The following RPS6KA3 variants were observed in gnomAD, a reference collection of about 807,000 sequenced individuals.
RPS6KA3 encodes ribosomal protein S6 kinase alpha-3.
RPS6KA3 carries 4 observed loss-of-function variants against 67.2 expected under a neutral mutation model. The observed-to-expected ratio is 0.06, with a 90% CI of 0.03 to 0.14. The LOEUF is 0.14. RPS6KA3 is among the 10% of genes least tolerant of loss of function. RPS6KA3 has a pLI of 1.00. For missense variants in RPS6KA3, 204 were observed against 559.0 expected (o/e 0.36, Z 6.40); for synonymous variants, 182 against 183.7 (o/e 0.99, Z 0.07).
intron 9 of RPS6KA3, among the ~76,000 whole-genome samples, 164 bp from the exon 10 acceptor site, chrX:20,186,530 T>C (rs957869821): frequency 2.7e-5 from 3 of 111,856 alleles, no homozygotes; most frequent in Non-Finnish European, 3.8e-5. Context: ...CTGAAGTTCT[T>C]GATAATTCCT....
intron 2 of RPS6KA3, among the ~76,000 whole-genome samples, chrX:20,229,828 A>C (rs1489230475): frequency 8.9e-6 from 1 of 111,987 alleles, no homozygotes; most frequent in Non-Finnish European, 1.9e-5. Context: ...CAACAGTCTC[A>C]TCCACATTGC....
intron 1 of RPS6KA3, among the ~76,000 whole-genome samples, chrX:20,259,393 T>G (rs1274647387): frequency 8.9e-6 from 1 of 111,867 alleles, no homozygotes; most frequent in Non-Finnish European, 1.9e-5. Context: ...TGACCATTAA[T>G]TTTCAGAACA....
Position 20,155,302 on chromosome X carries a change from G to A in RPS6KA3, c.*96C>T. The A allele has an allele frequency of 1.0e-6, 1 of 967,401 alleles. No individual in the cohort carries two copies. 79.7% of individuals were successfully genotyped at this position (967,401 alleles called of 1,213,427 possible). A position where few individuals can be genotyped will look rare whatever the true frequency, so the allele number is the denominator to read the frequency against. On this transcript the variant is annotated 3_prime_UTR_variant, in exon 22 of 22. Transcript: ENST00000379565. ...CATTATGGGTACCAGCTGGGACAGT[G>A]TGTGCTTGCAGGTGTCTCTCAGATA...
intron 1 of RPS6KA3, among the ~76,000 whole-genome samples, chrX:20,244,563 C>T (rs111994118): frequency 0.028 from 3,151 of 111,678 alleles, 106 homozygotes; most frequent in African/African-American, 0.092. Flanking sequence ...AGTTATTACG[C>T]AGAGAAGAAA....
At chrX:20,238,304 T>C (rs1165970109) in intron 1 of RPS6KA3, among the ~76,000 whole-genome samples, 4 of 111,724 alleles carry the variant, frequency 3.6e-5, no homozygotes, top group South Asian at 3.6e-4. Context: ...AGTTCACATA[T>C]GCATTATTTT....
At chrX:20,181,269 A>C (rs1218546073) in intron 10 of RPS6KA3, among the ~76,000 whole-genome samples, 1 of 112,044 alleles carries the variant, frequency 8.9e-6, no homozygotes, top group East Asian at 2.8e-4. Context: ...CATATTTGAA[A>C]ATTTTTATAA....
At chrX:20,179,925 AC>A (rs1185005929) in intron 10 of RPS6KA3, among the ~76,000 whole-genome samples, 1 of 109,586 alleles carries the variant, frequency 9.1e-6, no homozygotes, top group Non-Finnish European at 1.9e-5. Context: ...TACCATCTGT[AC>A]AAAAGATTAA....
intron 19 of RPS6KA3, 80 bp from the exon 20 acceptor site, chrX:20,161,841 T>C (rs2067310630): frequency 3.8e-6 from 1 of 261,326 alleles, no homozygotes; most frequent in African/African-American, 3.0e-5. Context: ...CTAATTCAGT[T>C]AATGTAATAT....
intron 14 of RPS6KA3, 52 bp downstream of exon 14, chrX:20,175,112 G>C (rs1000369735): frequency 9.2e-7 from 1 of 1,081,237 alleles, no homozygotes; most frequent in African/African-American, 1.8e-5. Flanking sequence ...TTCACAGAAT[G>C]AACTATATCT....
intron 2 of RPS6KA3, among the ~76,000 whole-genome samples, chrX:20,217,745 C>T (rs986291481): frequency 1.4e-4 from 16 of 111,362 alleles, no homozygotes; most frequent in Non-Finnish European, 2.4e-4. Context: ...TATATAGATA[C>T]CTATAGTTCT....
At chrX:20,247,664 G>A (rs752962328) in intron 1 of RPS6KA3, among the ~76,000 whole-genome samples, 6 of 109,766 alleles carry the variant, frequency 5.5e-5, no homozygotes, top group African/African-American at 2.0e-4. Flanking sequence ...GTGGGTGCCT[G>A]TAGTCCCAGC....
At position 20,193,525 on chromosome X, in the gene RPS6KA3, A is replaced by G. The variant is rs149602782; in HGVS notation, c.555T>C (p.His185=). Residue 185 remains histidine (H), a synonymous_variant, in exon 7 of 22, where the codon CAT becomes CAC. Transcript: ENST00000379565. Reference sequence around the variant, plus strand: ...AGTCTCTATAAATTATTCCCAGGCTATGTAGATGGTCTAAAGCAAGTGCAA... The same window carrying G: ...AGTCTCTATAAATTATTCCCAGGCTGTGTAGATGGTCTAAAGCAAGTGCAA... ...AELALALDHL[H]SLGIIYRDLK... 8 of 1,194,362 alleles carry G rather than the reference A, an allele frequency of 6.7e-6. No individual in the cohort carries two copies. The African/African-American group carries it at 1.2e-4, about 18-fold the overall frequency.
intron 7 of RPS6KA3, among the ~76,000 whole-genome samples, chrX:20,193,275 T>C: frequency 9.0e-6 from 1 of 110,993 alleles, no homozygotes; most frequent in Non-Finnish European, 1.9e-5. Flanking sequence ...CAAAACTCCA[T>C]CTTTAAAAAA....
chrX:20,213,824 A>G (rs1331475421), intron 2 of RPS6KA3, among the ~76,000 whole-genome samples: 2 of 110,951 alleles, frequency 1.8e-5, no homozygotes, highest in Non-Finnish European at 3.8e-5. Flanking sequence ...TTGAAAGCCT[A>G]TAGACAACAG....
At chrX:20,187,031 C>T (rs1234210485) in intron 9 of RPS6KA3, among the ~76,000 whole-genome samples, 1 of 110,216 alleles carries the variant, frequency 9.1e-6, no homozygotes, top group African/African-American at 3.3e-5. Context: ...GACAGGGTTT[C>T]ACCATGTTGT....
chrX:20,182,875 T>C (rs2148675385), intron 10 of RPS6KA3, among the ~76,000 whole-genome samples: 1 of 112,024 alleles, frequency 8.9e-6, no homozygotes, highest in South Asian at 3.7e-4. Context: ...TGTCAGTCTT[T>C]TTATTTTTAT....
intron 20 of RPS6KA3, 138 bp from the exon 21 acceptor site, chrX:20,156,387 T>C (rs2067188697): frequency 1.5e-6 from 1 of 650,717 alleles, no homozygotes; most frequent in South Asian, 2.5e-5. Flanking sequence ...AACATGGTAA[T>C]TTGGGGGAAA....
intron 17 of RPS6KA3, among the ~76,000 whole-genome samples, chrX:20,165,594 G>A (rs959920863): frequency 2.7e-5 from 3 of 111,619 alleles, no homozygotes; most frequent in African/African-American, 6.5e-5. Flanking sequence ...CAGAATGAAT[G>A]AGCCATAAGA....
intron 2 of RPS6KA3, among the ~76,000 whole-genome samples, chrX:20,210,391 A>C (rs1235835083): frequency 8.9e-6 from 1 of 112,197 alleles, no homozygotes; most frequent in African/African-American, 3.2e-5. Flanking sequence ...AAGTACTGTT[A>C]GTAGAATCTC....
Sources: gnomAD v4.1 joint callset for allele counts (sites outside exome capture counted in the v4.1 genomes callset) on GRCh38, gnomAD v4.1.1 for gene constraint, MANE v1.5 for transcripts, NCBI Gene and HGNC (gene_info 2026-07-23, HGNC 2026-07-21) for gene names.